LIFR: variants seen among roughly 807,000 people sequenced by gnomAD.
LIFR encodes LIF receptor subunit alpha.
Under a neutral mutation model 122.2 loss-of-function variants are expected in LIFR, and 84 were observed. That is an observed-to-expected ratio of 0.69 (90% CI 0.58 to 0.82). The LOEUF (loss-of-function observed/expected upper bound fraction) is 0.82, where lower values mean the gene tolerates loss of function less well. LIFR is among the 40% of genes least tolerant of loss of function. LIFR has a pLI of 0.00. For missense variants in LIFR, 1,294 were observed against 1,311.6 expected, an observed-to-expected ratio of 0.99 and a Z score of 0.21; for synonymous variants, 422 against 434.7, an observed-to-expected ratio of 0.97 and a Z score of 0.36.
At chr5:38,588,693 C>T (rs1400010649) in intron 1 of LIFR, among the ~76,000 whole-genome samples, 1 of 152,062 alleles carries the variant, frequency 6.6e-6, no homozygotes, top group Non-Finnish European at 1.5e-5. Flanking sequence ...CCTTAAATCC[C>T]TATGGATTAA....
At chr5:38,523,354 G>C (rs1039896569) in intron 5 of LIFR, 65 bp downstream of exon 5, 51 of 1,363,370 alleles carry the variant, frequency 3.7e-5, no homozygotes, top group Non-Finnish European at 5.0e-5. Flanking sequence ...CCACCTTAAG[G>C]CTTCTTAAAA....
At chr5:38,583,054 C>T (rs1193444678) in intron 1 of LIFR, among the ~76,000 whole-genome samples, 1 of 152,180 alleles carries the variant, frequency 6.6e-6, no homozygotes, top group African/African-American at 2.4e-5. Context: ...CGTTTGAGAA[C>T]AGGCACTGCA....
At chr5:38,553,651 TA>T (rs1225621274) in intron 1 of LIFR, among the ~76,000 whole-genome samples, 1 of 100,200 alleles carries the variant, frequency 1.0e-5, no homozygotes, top group Non-Finnish European at 1.9e-5. Context: ...TATATATATA[TA>T]TATATATATA....
rs546081202 is a variant in LIFR at position 38,550,515 on chromosome 5, T to A, written c.-20+5819A>T. On this transcript the variant is annotated intron_variant, in intron 1 of 19. Transcript: ENST00000453190. Reference sequence around the variant, plus strand: ...CTGTCTGGCTTAAGAGTTTGGGTTTTAATAGCAACATGCTCTATTTTTCTA... The same window carrying A: ...CTGTCTGGCTTAAGAGTTTGGGTTTAAATAGCAACATGCTCTATTTTTCTA... Among the ~76,000 whole-genome samples, 9 of 152,340 alleles carry A rather than the reference T, an allele frequency of 5.9e-5. No homozygotes were observed. In the East Asian group the frequency reaches 1.7e-3, roughly 29 times the overall value.
At chr5:38,603,448 A>G (rs1443214459) in intron 2 of LIFR, among the ~76,000 whole-genome samples, 1 of 152,204 alleles carries the variant, frequency 6.6e-6, no homozygotes, top group East Asian at 1.9e-4. Flanking sequence ...GCATATTCAC[A>G]TTACCTGTGA....
At chr5:38,567,943 G>A (rs1251117054) in intron 1 of LIFR, among the ~76,000 whole-genome samples, 1 of 152,212 alleles carries the variant, frequency 6.6e-6, no homozygotes, top group Admixed American at 6.5e-5. Flanking sequence ...GGTACTATGA[G>A]TAACTGTCTT....
At chr5:38,599,867 C>T (rs2112780261), upstream of LIFR, among the ~76,000 whole-genome samples, 1 of 152,202 alleles carries the variant, frequency 6.6e-6, no homozygotes, top group South Asian at 2.1e-4. Context: ...AAGGGCATTC[C>T]AAAGTTAACC....
At chr5:38,598,226 T>A (rs1475127094), upstream of LIFR, among the ~76,000 whole-genome samples, 99 of 65,482 alleles carry the variant, frequency 1.5e-3, 1 homozygote, top group African/African-American at 0.01. Flanking sequence ...TTTTTTTTTT[T>A]TTTTTTATTT....
At chr5:38,494,002 C>A (rs1161429321) in intron 13 of LIFR, among the ~76,000 whole-genome samples, 1 of 152,092 alleles carries the variant, frequency 6.6e-6, no homozygotes, top group Non-Finnish European at 1.5e-5. Flanking sequence ...ATTAACACAG[C>A]AGCTCAAAGA....
intron 13 of LIFR, among the ~76,000 whole-genome samples, chr5:38,496,140 A>G (rs1346116029): frequency 6.6e-6 from 1 of 152,158 alleles, no homozygotes; most frequent in Non-Finnish European, 1.5e-5. Context: ...TAACTCTCCA[A>G]TATTATCCAC....
chr5:38,596,286 T>C (rs1750096652), upstream of LIFR, among the ~76,000 whole-genome samples: 1 of 152,200 alleles, frequency 6.6e-6, no homozygotes, highest in African/African-American at 2.4e-5. Flanking sequence ...CTAGACCAAG[T>C]GAATCTGCAT....
At chr5:38,557,686 T>G (rs73749278), upstream of LIFR, 1 of 154,852 alleles carries the variant, frequency 6.5e-6, no homozygotes, top group South Asian at 2.0e-4. Flanking sequence ...AAATGAAGCT[T>G]GTTTTGTAAA....
At chr5:38,597,495 A>G (rs576701315), upstream of LIFR, among the ~76,000 whole-genome samples, 1 of 152,162 alleles carries the variant, frequency 6.6e-6, no homozygotes, top group Non-Finnish European at 1.5e-5. Context: ...GGAGTAGACA[A>G]ACTAGGGACT....
At chr5:38,500,725 A>G (rs1419817876) in intron 11 of LIFR, among the ~76,000 whole-genome samples, 2 of 152,210 alleles carry the variant, frequency 1.3e-5, no homozygotes, top group African/African-American at 4.8e-5. Context: ...CTTGGAGACA[A>G]CAGCTCATTA....
intron 17 of LIFR, among the ~76,000 whole-genome samples, chr5:38,485,316 T>C (rs1376388021): frequency 6.6e-6 from 1 of 152,204 alleles, no homozygotes; most frequent in Non-Finnish European, 1.5e-5. Context: ...CTCATGGCTC[T>C]TTATATAAGA....
At position 38,485,915 on chromosome 5, in the gene LIFR, G is replaced by T. The variant is rs769684275; in HGVS notation, c.2401C>A (p.Leu801Ile). 1 of 1,613,998 alleles carries T rather than the reference G, an allele frequency of 6.2e-7. No individual in the cohort carries two copies. Among genetic ancestry groups the T allele is most frequent in the South Asian group, 1.1e-5 (1 of 91,080 alleles). The change falls in exon 17 of 20, where the codon CTT becomes ATT. Residue 801 changes from leucine to isoleucine, a missense_variant. Leu to Ile is a conservative substitution (Grantham distance 5, BLOSUM62 2). Coordinates refer to ENST00000453190, the MANE Select transcript of LIFR (RefSeq NM_001127671.2). ...ISQKTLRIAD[L>I]QGKTSYHLVL... is the part of the protein sequence containing the mutation. ...AGGTGGTAACTTGTTTTACCTTGAAGATCAGCAATTCTCAGTGTCTTCTGG... is the reference window on the plus strand; with the variant it reads ...AGGTGGTAACTTGTTTTACCTTGAATATCAGCAATTCTCAGTGTCTTCTGG...
At chr5:38,497,908 A>G (rs1744970276) in intron 12 of LIFR, among the ~76,000 whole-genome samples, 1 of 152,192 alleles carries the variant, frequency 6.6e-6, no homozygotes, top group Admixed American at 6.5e-5. Flanking sequence ...TCACAATACT[A>G]AAACAAATAT....
At chr5:38,546,963 C>A (rs1480514119) in intron 1 of LIFR, among the ~76,000 whole-genome samples, 3 of 152,294 alleles carry the variant, frequency 2.0e-5, no homozygotes, top group East Asian at 3.9e-4. Context: ...GCCAGCGACC[C>A]AATGTCTACA....
At chr5:38,606,060 T>C (rs929636131) in intron 2 of LIFR, 6 of 152,216 alleles carry the variant, frequency 3.9e-5, no homozygotes, top group African/African-American at 1.4e-4. Flanking sequence ...TCACAAGTGT[T>C]TGTGAAATCA....
Sources: gnomAD v4.1 joint callset for allele counts (sites outside exome capture counted in the v4.1 genomes callset) on GRCh38, gnomAD v4.1.1 for gene constraint, MANE v1.5 for transcripts, NCBI Gene and HGNC (gene_info 2026-07-23, HGNC 2026-07-21) for gene names.